The following POLN variants were observed in gnomAD, a reference collection of about 807,000 sequenced individuals.
The protein encoded by POLN is DNA polymerase N.
POLN carries 108 observed loss-of-function variants against 113.5 expected under a neutral mutation model. The observed-to-expected ratio is 0.95, with a 90% CI of 0.81 to 1.12. The LOEUF (loss-of-function observed/expected upper bound fraction) is 1.12, where lower values mean the gene tolerates loss of function less well. Among genes scored for constraint, POLN ranks in the 50% most tolerant of loss-of-function variants. The probability of loss-of-function intolerance (pLI) is 0.00; values close to 1 mark genes in which losing one functional copy is unlikely to be tolerated. For missense variants in POLN, 1,097 were observed against 1,077.1 expected (o/e 1.02, Z -0.26); for synonymous variants, 386 against 391.5 (o/e 0.99, Z 0.17).
chr4:2,154,002 C>T (rs1249404117), intron 16 of POLN, among the ~76,000 whole-genome samples: 6 of 151,192 alleles, frequency 4.0e-5, no homozygotes, highest in Non-Finnish European at 8.9e-5. Flanking sequence ...TTGAGACCAT[C>T]CTGGCTAACA....
intron 19 of POLN, among the ~76,000 whole-genome samples, chr4:2,099,707 T>C (rs1730878336): frequency 6.6e-6 from 1 of 152,168 alleles, no homozygotes; most frequent in South Asian, 2.1e-4. Context: ...CAGTATTGGG[T>C]TCATTCATTG....
At chr4:2,233,030 G>A (rs190444330) in intron 2 of POLN, among the ~76,000 whole-genome samples, 5 of 152,266 alleles carry the variant, frequency 3.3e-5, no homozygotes, top group East Asian at 3.9e-4. Flanking sequence ...AGGAACCTGC[G>A]TTTTGATACG....
At chr4:2,097,584 G>A (rs908896299) in intron 19 of POLN, among the ~76,000 whole-genome samples, 5 of 152,136 alleles carry the variant, frequency 3.3e-5, no homozygotes, top group South Asian at 2.1e-4. Flanking sequence ...TCCTGACCTC[G>A]TGATCAGCCC....
rs558539090 is a variant in POLN, at chr4:2,124,736, C to T, written c.1982+3377G>A. ...GCAGGGCCCAGGGATGCTGCACACC[C>T]ACAAAGACCCTGTGGAGGCTTTGAC... On this transcript the variant is annotated intron_variant, in intron 19 of 25. Transcript: ENST00000511885. 7.9e-4 allele frequency among the ~76,000 whole-genome samples: 121 copies of T among 152,270 alleles called. 1 individual carries two copies. The highest frequency in any genetic ancestry group is 7.9e-3 in the Admixed American group (120 of 15,286).
chr4:2,208,716 G>A (rs753291263), intron 4 of POLN, among the ~76,000 whole-genome samples: 2 of 152,152 alleles, frequency 1.3e-5, no homozygotes, highest in Non-Finnish European at 2.9e-5. Flanking sequence ...CCAGCCAGGC[G>A]TGGTGGCTCA....
At chr4:2,180,402 A>G (rs1164467298) in intron 7 of POLN, among the ~76,000 whole-genome samples, 2 of 152,208 alleles carry the variant, frequency 1.3e-5, no homozygotes, top group Non-Finnish European at 2.9e-5. Flanking sequence ...ATACAAAAGT[A>G]AGGAGTTTGC....
chr4:2,144,163 G>A (rs908821692), intron 16 of POLN, among the ~76,000 whole-genome samples: 17 of 39,326 alleles, frequency 4.3e-4, no homozygotes, highest in African/African-American at 1.8e-3. Flanking sequence ...TTTTTTTTTT[G>A]AGATGGAGTC....
intron 19 of POLN, among the ~76,000 whole-genome samples, chr4:2,101,499 C>T (rs564775893): frequency 6.6e-6 from 1 of 152,222 alleles, no homozygotes; most frequent in African/African-American, 2.4e-5. Context: ...GGGTGATAAT[C>T]TTTCTGTGGT....
chr4:2,232,683 C>T (rs1734625605), intron 2 of POLN, among the ~76,000 whole-genome samples: 1 of 152,136 alleles, frequency 6.6e-6, no homozygotes, highest in East Asian at 1.9e-4. Flanking sequence ...ACATGACATT[C>T]CACGAAAACC....
At chr4:2,209,657 CTTTTTTTTTTT>C (rs1175117439) in intron 4 of POLN, among the ~76,000 whole-genome samples, 1 of 108,432 alleles carries the variant, frequency 9.2e-6, no homozygotes, top group African/African-American at 4.0e-5. Flanking sequence ...TTTCCTTTTC[CTTTTTTTTTTT>C]TTTTTTTTTT....
At chr4:2,114,683 C>A (rs1731275322) in intron 19 of POLN, among the ~76,000 whole-genome samples, 1 of 152,166 alleles carries the variant, frequency 6.6e-6, no homozygotes, top group Admixed American at 6.5e-5. Context: ...CTTTGGTTTT[C>A]ATTAGCTTGA....
rs1245841525 is a variant in POLN at position 2,176,276 on chromosome 4, G to C, written c.1238C>G (p.Ser413Cys). The C allele has an allele frequency of 1.2e-6, 2 of 1,606,642 alleles. No homozygotes were observed. Among genetic ancestry groups the C allele is most frequent in the Non-Finnish European group, 8.5e-7 (1 of 1,176,256 alleles). The change falls in exon 9 of 26, where the codon TCT becomes TGT. Residue 413 changes from serine to cysteine, a missense_variant. By Grantham distance (112) the Ser-to-Cys change is moderately radical. Transcript: ENST00000511885. Reference sequence around the variant, plus strand: ...AATAAAATGCCTTGCCTTCAGTTTAGAGCAAAGGTCCATTGTAAGTCTGTA... The same window carrying C: ...AATAAAATGCCTTGCCTTCAGTTTACAGCAAAGGTCCATTGTAAGTCTGTA... Reference protein sequence around the residue: ...TLYRLTMDLCSKLKDYGLWQL... With the variant: ...TLYRLTMDLCCKLKDYGLWQL...
intron 3 of POLN, among the ~76,000 whole-genome samples, chr4:2,220,032 G>C (rs1734217072): frequency 6.6e-6 from 1 of 152,126 alleles, no homozygotes; most frequent in South Asian, 2.1e-4. Flanking sequence ...GTTAGGTCCT[G>C]CAGTTCCTTT....
intron 2 of POLN, chr4:2,240,956 T>C (rs370289986): frequency 2.7e-5 from 42 of 1,576,444 alleles, no homozygotes; most frequent in Non-Finnish European, 3.6e-5. Flanking sequence ...TGGTTTTAAC[T>C]ACCCCAATTT....
rs1057317133 is a variant in POLN at position 2,127,141 on chromosome 4, T to C, written c.1982+972A>G. Among the ~76,000 whole-genome samples, 13 of 70,628 alleles carry C rather than the reference T, an allele frequency of 1.8e-4. No individual in the cohort carries two copies. The highest frequency in any genetic ancestry group is 7.4e-4 in the African/African-American group (13 of 17,570). 46.3% of individuals were successfully genotyped at this position (70,628 alleles called of 152,430 possible). ...AGCTGGGACGGAGGGTAGGGAGGGGTGAGGGGGCCATAGGGAGGGGTGAGG... is the reference window on the plus strand; with the variant it reads ...AGCTGGGACGGAGGGTAGGGAGGGGCGAGGGGGCCATAGGGAGGGGTGAGG... On this transcript the variant is annotated intron_variant, in intron 19 of 25. Transcript: ENST00000511885. The surrounding 1 kb of genome is among the most constrained non-coding windows in gnomAD (Gnocchi z 4.7).
intron 19 of POLN, among the ~76,000 whole-genome samples, chr4:2,107,017 T>A (rs1465933364): frequency 1.3e-5 from 2 of 152,154 alleles, no homozygotes; most frequent in Non-Finnish European, 2.9e-5. Flanking sequence ...AAATTGAAGT[T>A]TCCAACCTGT....
chr4:2,189,159 A>G (rs766674627), intron 7 of POLN, among the ~76,000 whole-genome samples: 2 of 152,230 alleles, frequency 1.3e-5, no homozygotes, highest in Non-Finnish European at 1.5e-5. Flanking sequence ...AAATGGTAGT[A>G]ATAAGTCCTC....
Position 2,208,502 on chromosome 4 carries a change from A to G in POLN, c.214-15T>C. The stretch of plus-strand genomic sequence containing the variant: ...GATTTAAGATCCTACAGAAAAATGG[A>G]AAATATTTCATTAGAATATGGACTC... On this transcript the variant is annotated splice_polypyrimidine_tract_variant and intron_variant, in intron 4 of 25. Coordinates refer to ENST00000511885, the MANE Select transcript of POLN (RefSeq NM_181808.4). 6.7e-7 allele frequency: 1 copy of G among 1,489,520 alleles called. No individual in the cohort carries two copies. The highest frequency in any genetic ancestry group is 9.0e-7 in the Non-Finnish European group (1 of 1,116,084). 92.3% of individuals were successfully genotyped at this position (1,489,520 alleles called of 1,614,324 possible).
chr4:2,168,980 G>A (rs1732795257), intron 13 of POLN, among the ~76,000 whole-genome samples: 1 of 152,218 alleles, frequency 6.6e-6, no homozygotes, highest in South Asian at 2.1e-4. Flanking sequence ...TCAAGGTGAA[G>A]AAACAGCTGT....
Sources: allele counts gnomAD v4.1 joint callset (sites outside exome capture counted in the v4.1 genomes callset), GRCh38; gene constraint gnomAD v4.1.1; non-coding constraint Gnocchi (gnomAD v3.1); transcripts MANE v1.5; gene names NCBI Gene and HGNC (gene_info 2026-07-23, HGNC 2026-07-21).